Variants in BACH2 observed in about 807,000 individuals in gnomAD.
The protein encoded by BACH2 is transcription regulator protein BACH2.
BACH2 carries 5 observed loss-of-function variants against 61.8 expected under a neutral mutation model. That is an observed-to-expected ratio of 0.08 (90% CI 0.04 to 0.17). The LOEUF (loss-of-function observed/expected upper bound fraction) is 0.17. Ranked by LOEUF, BACH2 falls within the 10% of genes least tolerant of loss-of-function variation. BACH2 has a pLI of 1.00. For synonymous variants in BACH2, 446 were observed against 440.1 expected, an observed-to-expected ratio of 1.01 and a Z score of -0.17; for missense variants, 824 against 1,091.1, an observed-to-expected ratio of 0.76 and a Z score of 3.45.
chr6:90,190,966 C>G (rs1294255860), intron 4 of BACH2, among the ~76,000 whole-genome samples: 1 of 152,186 alleles, frequency 6.6e-6, no homozygotes, highest in Non-Finnish European at 1.5e-5. Flanking sequence ...GATAGCAACT[C>G]TGAACCATCA....
chr6:90,004,763 C>T (rs1777318088), intron 6 of BACH2, among the ~76,000 whole-genome samples: 1 of 152,162 alleles, frequency 6.6e-6, no homozygotes, highest in Non-Finnish European at 1.5e-5. Context: ...GGAAGAACGG[C>T]CCTGCAATGC....
At chr6:90,138,549 T>C (rs907931627) in intron 4 of BACH2, among the ~76,000 whole-genome samples, 4 of 151,568 alleles carry the variant, frequency 2.6e-5, no homozygotes, top group African/African-American at 9.7e-5. Flanking sequence ...CAGACAAATC[T>C]AATAGTGGGT....
intron 8 of BACH2, among the ~76,000 whole-genome samples, chr6:89,933,641 ACT>A (rs1772822282): frequency 6.6e-6 from 1 of 151,858 alleles, no homozygotes; most frequent in Non-Finnish European, 1.5e-5. Flanking sequence ...CCATATGGAA[ACT>A]CTCTGTATAG....
At chr6:90,043,423 G>A (rs1217860502) in intron 5 of BACH2, among the ~76,000 whole-genome samples, 3 of 152,000 alleles carry the variant, frequency 2.0e-5, no homozygotes, top group African/African-American at 7.2e-5. Context: ...CCAGCCTCCA[G>A]AACTGGAAGA....
At chr6:90,157,116 T>C (rs1406507152) in intron 4 of BACH2, among the ~76,000 whole-genome samples, 1 of 152,168 alleles carries the variant, frequency 6.6e-6, no homozygotes, top group East Asian at 1.9e-4. Context: ...AGAGAAGAGC[T>C]TGCCCCAAAA....
intron 5 of BACH2, among the ~76,000 whole-genome samples, chr6:90,058,753 A>G (rs577244710): frequency 2.4e-4 from 36 of 152,360 alleles, no homozygotes; most frequent in Non-Finnish European, 2.9e-4. Flanking sequence ...CCAAAACAGC[A>G]TGGTACTGGT....
intron 3 of BACH2, among the ~76,000 whole-genome samples, chr6:90,225,215 T>C (rs995550475): frequency 9.9e-5 from 15 of 152,050 alleles, no homozygotes; most frequent in East Asian, 3.9e-4. Context: ...CAAAACTCTC[T>C]ACTAAAATAC....
intron 2 of BACH2, among the ~76,000 whole-genome samples, chr6:90,259,272 C>T (rs1284324455): frequency 6.6e-6 from 1 of 152,106 alleles, no homozygotes; most frequent in Non-Finnish European, 1.5e-5. Context: ...GAGCATTTTT[C>T]TCAATAAAGG....
chr6:89,977,615 G>A (rs1161670932), intron 6 of BACH2, among the ~76,000 whole-genome samples: 1 of 152,186 alleles, frequency 6.6e-6, no homozygotes, highest in African/African-American at 2.4e-5. Flanking sequence ...TACAAATGCT[G>A]TCTTACAAAT....
At chr6:89,938,551 A>G (rs904428783) in intron 7 of BACH2, among the ~76,000 whole-genome samples, 1 of 152,244 alleles carries the variant, frequency 6.6e-6, no homozygotes, top group Admixed American at 6.5e-5. Flanking sequence ...ATAAGAACAC[A>G]TATATTGCAA....
At chr6:89,993,194 T>A (rs1458957279) in intron 6 of BACH2, among the ~76,000 whole-genome samples, 1 of 152,166 alleles carries the variant, frequency 6.6e-6, no homozygotes, top group Non-Finnish European at 1.5e-5. Context: ...CCTGTGGTAT[T>A]TTGCTATGGC....
At chr6:89,979,570 G>A (rs756767857) in intron 6 of BACH2, among the ~76,000 whole-genome samples, 3 of 152,144 alleles carry the variant, frequency 2.0e-5, no homozygotes, top group Non-Finnish European at 4.4e-5. Flanking sequence ...CCCTCTCCAC[G>A]ATGTAGTCCC....
chr6:89,974,473 G>A (rs1297814583), intron 6 of BACH2, among the ~76,000 whole-genome samples: 1 of 152,188 alleles, frequency 6.6e-6, no homozygotes, highest in African/African-American at 2.4e-5. Context: ...TCTTAGTGCT[G>A]GGTCAGATAA....
intron 3 of BACH2, among the ~76,000 whole-genome samples, chr6:90,249,897 C>T (rs564585315): frequency 8.9e-4 from 135 of 152,292 alleles, no homozygotes; most frequent in African/African-American, 3.2e-3. Context: ...CAAATGAATA[C>T]TCCACAGAAC....
At chr6:90,143,383 G>T (rs1012506918) in intron 4 of BACH2, among the ~76,000 whole-genome samples, 1 of 152,032 alleles carries the variant, frequency 6.6e-6, no homozygotes, top group Non-Finnish European at 1.5e-5. Context: ...GCCCATTATC[G>T]GTTGTGCAAC....
intron 4 of BACH2, among the ~76,000 whole-genome samples, chr6:90,140,541 A>G (rs1334063949): frequency 1.3e-5 from 2 of 152,194 alleles, no homozygotes; most frequent in Non-Finnish European, 2.9e-5. Context: ...CATTCACAGG[A>G]AAAGGGTAAT....
At chr6:90,228,524 G>A (rs1246555504) in intron 3 of BACH2, among the ~76,000 whole-genome samples, 1 of 152,194 alleles carries the variant, frequency 6.6e-6, no homozygotes, top group Non-Finnish European at 1.5e-5. Context: ...CAGGCGGATT[G>A]CTTGAGACCA....
At chr6:90,202,628 A>T (rs1768994133) in intron 4 of BACH2, among the ~76,000 whole-genome samples, 1 of 152,216 alleles carries the variant, frequency 6.6e-6, no homozygotes, top group South Asian at 2.1e-4. Flanking sequence ...GGGGGAAGAG[A>T]GAGGGTCATT....
At chr6:90,041,756 C>T (rs71556355) in intron 5 of BACH2, among the ~76,000 whole-genome samples, 15,817 of 152,010 alleles carry the variant, frequency 0.1, 1,071 homozygotes, top group Non-Finnish European at 0.14. Context: ...ATTATTTCCT[C>T]TATTTTATTA....
Sources: gnomAD v4.1 joint callset for allele counts (sites outside exome capture counted in the v4.1 genomes callset) on GRCh38, gnomAD v4.1.1 for gene constraint, MANE v1.5 for transcripts, NCBI Gene and HGNC (gene_info 2026-07-23, HGNC 2026-07-21) for gene names.